The following HEXB variants were observed in gnomAD, a reference collection of about 807,000 sequenced individuals.
HEXB encodes the protein beta-hexosaminidase subunit beta.
Under a neutral mutation model 71.2 loss-of-function variants are expected in HEXB, and 51 were observed. That is an observed-to-expected ratio of 0.72 (90% CI 0.57 to 0.90). HEXB has a LOEUF of 0.90. Among genes scored for constraint, HEXB ranks in the 40% least tolerant of loss-of-function variants. The probability of loss-of-function intolerance (pLI) is 0.00; values close to 1 mark genes in which losing one functional copy is unlikely to be tolerated. For synonymous variants in HEXB, 266 were observed against 249.3 expected (o/e 1.07, Z -0.63); for missense variants, 617 against 677.0 (o/e 0.91, Z 0.98).
In HEXB at chr5:74,712,198, G is replaced by C. The variant is rs1354402379; in HGVS notation, c.772-1308G>C. On this transcript the variant is annotated intron_variant, in intron 6 of 13. Transcript: ENST00000261416. ...TCACAAGAACAAAAAGCCAAACACC[G>C]CATATTCTCACTCATAGGTGGGAAT... 4.7e-5 allele frequency among the ~76,000 whole-genome samples: 7 copies of C among 148,270 alleles called. No individual in the cohort carries two copies. In the South Asian group the frequency reaches 1.5e-3, roughly 32 times the overall value.
intron 1 of HEXB, among the ~76,000 whole-genome samples, chr5:74,642,758 C>T (rs1458679964): frequency 6.6e-6 from 1 of 152,062 alleles, no homozygotes; most frequent in Non-Finnish European, 1.5e-5. Context: ...GCGGGATGTC[C>T]TTAACCAAGG....
intron 6 of HEXB, among the ~76,000 whole-genome samples, chr5:74,709,561 AAGAG>A (rs1282168914): frequency 1.4e-4 from 22 of 152,326 alleles, no homozygotes; most frequent in South Asian, 2.1e-4. Flanking sequence ...CTAATAAAAA[AAGAG>A]AGAAGAATCA....
At chr5:74,666,037 C>A (rs989478829) in intron 1 of HEXB, among the ~76,000 whole-genome samples, 1 of 152,140 alleles carries the variant, frequency 6.6e-6, no homozygotes, top group Non-Finnish European at 1.5e-5. Flanking sequence ...TGTACAGATG[C>A]CAGATACTTA....
chr5:74,715,601 C>T lies in HEXB; in HGVS notation c.993C>T (p.Ser331=), dbSNP rs2112175174. Residue 331 remains serine, a synonymous_variant, in exon 8 of 14, where the codon AGC becomes AGT. Coordinates refer to ENST00000261416, the MANE Select transcript of HEXB (RefSeq NM_000521.4). The part of the protein sequence containing the change: ...PINPTLNTTY[S]FLTTFFKEIS... ...ACCCTACTCTGAATACAACATACAG[C>T]TTCCTTACTACATTTTTCAAAGAAA... 1 of 1,607,360 alleles carries T rather than the reference C, an allele frequency of 6.2e-7. No homozygotes were observed. Among genetic ancestry groups the T allele is most frequent in the Non-Finnish European group, 8.5e-7 (1 of 1,173,946 alleles).
chr5:74,698,744 G>A lies in HEXB; in HGVS notation c.669+1638G>A, dbSNP rs1284978959. Among the ~76,000 whole-genome samples, 5 of 152,222 alleles carry A rather than the reference G, an allele frequency of 3.3e-5. No homozygotes were observed. In the East Asian group the frequency reaches 9.6e-4, roughly 29 times the overall value. ...CTCTGAATTTTTTCTCCAAAAGACA[G>A]TCTTGTCACTTTTAAGAAACAGATG... On this transcript the variant is annotated intron_variant, in intron 5 of 13. Transcript: ENST00000261416.
intron 1 of HEXB, among the ~76,000 whole-genome samples, chr5:74,659,709 C>T (rs890484131): frequency 6.6e-6 from 1 of 152,082 alleles, no homozygotes; most frequent in Admixed American, 6.6e-5. Context: ...ATTCTTTCTC[C>T]CTTATCTTTT....
chr5:74,663,609 T>A (rs1748372928), intron 1 of HEXB, among the ~76,000 whole-genome samples: 1 of 152,082 alleles, frequency 6.6e-6, no homozygotes, highest in Non-Finnish European at 1.5e-5. Context: ...AGGAGCAAAA[T>A]GGAAAAGAAT....
At chr5:74,679,797 T>TAAAA (rs1748704383) in intron 1 of HEXB, among the ~76,000 whole-genome samples, 1 of 14,582 alleles carries the variant, frequency 6.9e-5, no homozygotes, top group Non-Finnish European at 1.5e-4. Flanking sequence ...AGACTCCGTC[T>TAAAA]CAAAAAAAAA....
At chr5:74,654,045 C>T (rs1414859528) in intron 1 of HEXB, among the ~76,000 whole-genome samples, 1 of 152,036 alleles carries the variant, frequency 6.6e-6, no homozygotes, top group Non-Finnish European at 1.5e-5. Context: ...GACAGTGAGT[C>T]CTCCCGGCTC....
upstream of HEXB, among the ~76,000 whole-genome samples, chr5:74,680,855 A>G (rs574566203): frequency 6.6e-6 from 1 of 152,344 alleles, no homozygotes; most frequent in Middle Eastern, 3.4e-3. Context: ...CCAGTGATGC[A>G]TTTTAAGCAA....
chr5:74,644,764 C>CTTTTTTTTTTTTTTTTTTTT (rs3058406), intron 1 of HEXB, among the ~76,000 whole-genome samples: 2 of 72,936 alleles, frequency 2.7e-5, no homozygotes, highest in East Asian at 4.8e-4. Context: ...CTTTTTTTTC[C>CTTTTTTTTTTTTTTTTTTTT]TTTTTTTTTT....
At chr5:74,701,542 A>G (rs1749260867) in intron 5 of HEXB, among the ~76,000 whole-genome samples, 1 of 152,136 alleles carries the variant, frequency 6.6e-6, no homozygotes, top group Admixed American at 6.6e-5. Context: ...TACTTTCTGA[A>G]GTCATAATCT....
At chr5:74,658,549 GCAAT>G (rs781663584) in intron 1 of HEXB, among the ~76,000 whole-genome samples, 13 of 151,792 alleles carry the variant, frequency 8.6e-5, no homozygotes, top group African/African-American at 3.1e-4. Flanking sequence ...AGCTAGGTGG[GCAAT>G]CAATCAATCA....
chr5:74,711,994 T>C (rs1375654594), intron 6 of HEXB, among the ~76,000 whole-genome samples: 2 of 147,998 alleles, frequency 1.4e-5, no homozygotes, highest in East Asian at 2.0e-4. Flanking sequence ...ATGTTTATTG[T>C]GGCACTATTC....
intron 1 of HEXB, among the ~76,000 whole-genome samples, chr5:74,674,794 G>A (rs1748602159): frequency 6.6e-6 from 1 of 151,894 alleles, no homozygotes; most frequent in Admixed American, 6.6e-5. Context: ...CATTTTTGGA[G>A]GTTCCAAAAA....
intron 1 of HEXB, among the ~76,000 whole-genome samples, chr5:74,664,916 G>A (rs1428067457): frequency 6.6e-6 from 1 of 152,144 alleles, no homozygotes; most frequent in Non-Finnish European, 1.5e-5. Context: ...CTCGTTGTGG[G>A]AGGGCACGAC....
chr5:74,648,070 T>C (rs960594909), intron 1 of HEXB, among the ~76,000 whole-genome samples: 1 of 152,226 alleles, frequency 6.6e-6, no homozygotes, highest in African/African-American at 2.4e-5. Context: ...TTAGCAAATA[T>C]GTGATCCTGG....
chr5:74,671,972 C>T (rs1325147007), intron 1 of HEXB, among the ~76,000 whole-genome samples: 1 of 152,178 alleles, frequency 6.6e-6, no homozygotes, highest in African/African-American at 2.4e-5. Flanking sequence ...GGCGGCCACT[C>T]GTTTGCTGTT....
chr5:74,715,752 C>G (rs980059559), intron 8 of HEXB, 62 bp downstream of exon 8: 3 of 1,201,604 alleles, frequency 2.5e-6, no homozygotes, highest in Non-Finnish European at 3.7e-6. Context: ...TGCGGTGGCT[C>G]ACGCCTATAA....
Sources: allele counts gnomAD v4.1 joint callset (sites outside exome capture counted in the v4.1 genomes callset), GRCh38; gene constraint gnomAD v4.1.1; transcripts MANE v1.5; gene names NCBI Gene and HGNC (gene_info 2026-07-23, HGNC 2026-07-21).